The following ARID3C variants were observed in gnomAD, a reference collection of about 807,000 sequenced individuals.
The protein encoded by ARID3C is AT-rich interactive domain-containing protein 3C.
In ARID3C, 42 loss-of-function variants were observed where a neutral mutation model predicts 37.9. The observed-to-expected ratio is 1.11, with a 90% CI of 0.87 to 1.43. The LOEUF (loss-of-function observed/expected upper bound fraction) is 1.43. Among genes scored for constraint, ARID3C ranks in the 40% most tolerant of loss-of-function variants. The probability of loss-of-function intolerance (pLI) is 0.00; values close to 1 mark genes in which losing one functional copy is unlikely to be tolerated. For missense variants in ARID3C, 581 were observed against 548.8 expected, an observed-to-expected ratio of 1.06 and a Z score of -0.59; for synonymous variants, 213 against 228.0, an observed-to-expected ratio of 0.93 and a Z score of 0.59.
intron 1 of ARID3C, among the ~76,000 whole-genome samples, chr9:34,626,372 CT>C (rs1820654388): frequency 6.6e-6 from 1 of 152,184 alleles, no homozygotes; most frequent in African/African-American, 2.4e-5. Flanking sequence ...ATCTTCTGGT[CT>C]GATTTCCTTT....
exon 1 of ARID3C, chr9:34,627,764 C>T: frequency 6.2e-7 from 1 of 1,614,154 alleles, no homozygotes; most frequent in Non-Finnish European, 8.5e-7. Context: ...AGAAGGCGAG[C>T]TGGGGCCCTG....
exon 7 of ARID3C, chr9:34,621,399 AG>A: frequency 1.7e-6 from 2 of 1,202,672 alleles, no homozygotes; most frequent in Non-Finnish European, 2.3e-6. Flanking sequence ...GAATCAAAGC[AG>A]GGGGTCTCCT....
At chr9:34,629,779 CAG>C (rs1454843187), upstream of ARID3C, among the ~76,000 whole-genome samples, 1 of 151,704 alleles carries the variant, frequency 6.6e-6, no homozygotes, top group African/African-American at 2.4e-5. Flanking sequence ...TTTTTGGAGA[CAG>C]AGTCTCTGTC....
chr9:34,621,130 G>T (rs543031231), downstream of ARID3C, among the ~76,000 whole-genome samples: 1 of 152,246 alleles, frequency 6.6e-6, no homozygotes, highest in African/African-American at 2.4e-5. Context: ...CCTTTCACTT[G>T]GCTCCTGAAG....
At chr9:34,625,565 C>T (rs910245245) in intron 2 of ARID3C, among the ~76,000 whole-genome samples, 177 bp downstream of exon 3, 1 of 140,248 alleles carries the variant, frequency 7.1e-6, no homozygotes. Context: ...AGTGGGCTGG[C>T]CACTAATTAA....
intron 1 of ARID3C, among the ~76,000 whole-genome samples, chr9:34,627,131 G>T (rs1469024691): frequency 6.6e-6 from 1 of 152,212 alleles, no homozygotes; most frequent in African/African-American, 2.4e-5. Context: ...CTCAGGCCAG[G>T]GAGATTTGCA....
chr9:34,622,355 G>A (rs914155615), exon 5 of ARID3C: 1 of 1,608,256 alleles, frequency 6.2e-7, no homozygotes, highest in East Asian at 2.2e-5. Flanking sequence ...ACCCCTCAGG[G>A]GAACCTTGCC....
At chr9:34,623,799 C>CGG in intron 3 of ARID3C, 65 bp downstream of exon 4, 16 of 1,503,128 alleles carry the variant, frequency 1.1e-5, no homozygotes, top group Non-Finnish European at 1.4e-5. Flanking sequence ...CCCGGGGACC[C>CGG]TCCCCCCTCC....
intron 1 of ARID3C, among the ~76,000 whole-genome samples, chr9:34,626,747 A>T (rs1007126714): frequency 2.6e-5 from 4 of 152,194 alleles, no homozygotes; most frequent in Non-Finnish European, 4.4e-5. Context: ...CTTAGATCCA[A>T]GTAATAACCC....
chr9:34,623,638 C>T lies in ARID3C; in HGVS notation c.652G>A (p.Asp218Asn), dbSNP rs1373900009. 1.9e-6 allele frequency: 3 copies of T among 1,601,490 alleles called. No homozygotes were observed. The highest frequency in any genetic ancestry group is 2.7e-5 in the African/African-American group (2 of 74,706). Residue 218 changes from aspartate (D) to asparagine (N), a missense_variant, in exon 4 of 7, where the codon GAC becomes AAC. Coordinates refer to ENST00000378909, the Ensembl canonical transcript of ARID3C. ...CGACGGCCCTCGCGCCGATTGCTGTCTATGGCGGCCTGGAGCTCCCCTGGG... is the reference window on the plus strand; with the variant it reads ...CGACGGCCCTCGCGCCGATTGCTGTTTATGGCGGCCTGGAGCTCCCCTGGG...
At chr9:34,625,279 T>C (rs1170490664) in intron 2 of ARID3C, among the ~76,000 whole-genome samples, 2 of 152,102 alleles carry the variant, frequency 1.3e-5, no homozygotes, top group African/African-American at 4.8e-5. Flanking sequence ...GGAAAGGAAT[T>C]TCTCCTCCTC....
In ARID3C at chr9:34,623,564, AG is replaced by A; in HGVS notation, c.725del (p.Pro242LeufsTer40). The A allele has an allele frequency of 6.2e-7, 1 of 1,603,884 alleles. No individual in the cohort carries two copies. The stretch of plus-strand genomic sequence containing the variant: ...CCAAGGCTGGGTCCTGAGCGCCCCG[AG>A]GGGGCGGCCCTGCCAAGCCGAAGAG... On this transcript the variant is annotated frameshift_variant, in exon 4 of 7. Transcript: ENST00000378909. LOFTEE classifies it high-confidence loss of function.
chr9:34,625,043 C>T (rs1025007480), intron 2 of ARID3C, among the ~76,000 whole-genome samples: 2 of 151,804 alleles, frequency 1.3e-5, no homozygotes, highest in Non-Finnish European at 2.9e-5. Flanking sequence ...GGGAAGTGGG[C>T]CAGCAGCTGC....
chr9:34,623,161 A>AC (rs966721967), intron 4 of ARID3C, among the ~76,000 whole-genome samples: 1 of 150,968 alleles, frequency 6.6e-6, no homozygotes, highest in African/African-American at 2.4e-5. Flanking sequence ...AAAAAAAAAA[A>AC]AAGAAAAAAA....
At chr9:34,626,665 G>A (rs1043039393) in intron 1 of ARID3C, among the ~76,000 whole-genome samples, 3 of 152,116 alleles carry the variant, frequency 2.0e-5, no homozygotes, top group South Asian at 2.1e-4. Context: ...ATATCCATGA[G>A]TAATAAACCC....
exon 4 of ARID3C, chr9:34,623,477 G>A (rs760546230): frequency 3.2e-6 from 5 of 1,539,488 alleles, no homozygotes; most frequent in East Asian, 4.6e-5. Context: ...CTGGCAGGCC[G>A]GAGGTGGAAC....
upstream of ARID3C, among the ~76,000 whole-genome samples, chr9:34,632,086 C>T (rs1049399397): frequency 6.6e-6 from 1 of 152,186 alleles, no homozygotes; most frequent in South Asian, 2.1e-4. Flanking sequence ...TAAGTCTAGT[C>T]CACTCAAGGG....
At chr9:34,623,425 C>T (rs747472152) in exon 4 of ARID3C, 7 of 1,494,856 alleles carry the variant, frequency 4.7e-6, no homozygotes, top group Admixed American at 2.4e-5. Flanking sequence ...CCCCTCGCAC[C>T]TTTCTTAATA....
At chr9:34,621,698 C>G (rs1326741321) in intron 6 of ARID3C, 140 bp from the exon 8 acceptor site, 2 of 684,590 alleles carry the variant, frequency 2.9e-6, no homozygotes, top group Non-Finnish European at 5.0e-6. Flanking sequence ...CCAATGAGGA[C>G]AAGCTCCTTG....
Sources: gnomAD v4.1 joint callset for allele counts (sites outside exome capture counted in the v4.1 genomes callset) on GRCh38, gnomAD v4.1.1 for gene constraint, MANE v1.5 for transcripts, NCBI Gene and HGNC (gene_info 2026-07-23, HGNC 2026-07-21) for gene names.